The following UBXN7 variants were observed in gnomAD, a reference collection of about 807,000 sequenced individuals.
The protein encoded by UBXN7 is UBX domain-containing protein 7.
Under a neutral mutation model 58.0 loss-of-function variants are expected in UBXN7, and 9 were observed. That is an observed-to-expected ratio of 0.16 (90% confidence interval 0.09 to 0.27). UBXN7 has a LOEUF of 0.27. Among genes scored for constraint, UBXN7 ranks in the 10% least tolerant of loss-of-function variants. The pLI, the probability that UBXN7 is intolerant of heterozygous loss-of-function variation, is 1.00. For missense variants in UBXN7, 328 were observed against 599.6 expected (o/e 0.55, Z 4.73); for synonymous variants, 208 against 205.0 (o/e 1.01, Z -0.12).
rs1019889777 is a variant in UBXN7, at chr3:196,350,218, T to C, written c.*6467A>G. 2 of 152,220 alleles carry C rather than the reference T, an allele frequency of 1.3e-5. No homozygotes were observed. Among genetic ancestry groups the C allele is most frequent in the Non-Finnish European group, 2.9e-5 (2 of 68,038 alleles). The allele number at this position is 152,220 out of a possible 1,614,324, so 9.4% of individuals were successfully genotyped here. A position where few individuals can be genotyped will look rare whatever the true frequency, so the allele number is the denominator to read the frequency against. ...TCAAATTGGATTGCCCAACTTTATT[T>C]TGAAATCAATAGCAAAGAAAGGCCT... On this transcript the variant is annotated 3_prime_UTR_variant, in exon 11 of 11. Coordinates refer to ENST00000296328, the MANE Select transcript of UBXN7 (RefSeq NM_015562.2).
intron 5 of UBXN7, among the ~76,000 whole-genome samples, chr3:196,382,838 G>A (rs562197383): frequency 3.9e-5 from 6 of 152,078 alleles, no homozygotes; most frequent in Admixed American, 6.6e-5. Context: ...GGGGTTGGCC[G>A]GGCACAATGG....
intron 3 of UBXN7, among the ~76,000 whole-genome samples, chr3:196,394,479 T>C (rs559059617): frequency 1.3e-4 from 19 of 151,520 alleles, no homozygotes; most frequent in Non-Finnish European, 2.6e-4. Flanking sequence ...GGCACGCACC[T>C]GTAATCCTAG....
At chr3:196,432,275 C>A in intron 1 of UBXN7, 52 bp downstream of exon 1, 1 of 1,605,086 alleles carries the variant, frequency 6.2e-7, no homozygotes, top group Non-Finnish European at 8.5e-7. Context: ...GGGGCAGACC[C>A]GCTGCCCGCT....
intron 1 of UBXN7, among the ~76,000 whole-genome samples, chr3:196,426,685 C>T (rs1730860746): frequency 6.6e-6 from 1 of 151,706 alleles, no homozygotes; most frequent in Non-Finnish European, 1.5e-5. Context: ...CCCGTCTCTA[C>T]TAAAAATACA....
intron 1 of UBXN7, among the ~76,000 whole-genome samples, chr3:196,424,909 T>C (rs1241342869): frequency 1.6e-4 from 24 of 151,164 alleles, no homozygotes; most frequent in African/African-American, 4.6e-4. Context: ...ACCATGTTGG[T>C]CAGGCTGGTC....
At chr3:196,372,507 G>A (rs1182536656) in intron 5 of UBXN7, among the ~76,000 whole-genome samples, 2 of 151,690 alleles carry the variant, frequency 1.3e-5, no homozygotes, top group African/African-American at 4.8e-5. Context: ...ACGCCTGGCT[G>A]ATTTTTGTAT....
At chr3:196,363,050 G>A (rs1025726995) in intron 8 of UBXN7, among the ~76,000 whole-genome samples, 10 of 151,680 alleles carry the variant, frequency 6.6e-5, no homozygotes, top group Admixed American at 1.3e-4. Flanking sequence ...GATTACAAGC[G>A]CCCGCCACCA....
intron 8 of UBXN7, among the ~76,000 whole-genome samples, chr3:196,364,262 G>A (rs1240233453): frequency 6.6e-6 from 1 of 152,124 alleles, no homozygotes; most frequent in African/African-American, 2.4e-5. Flanking sequence ...ACATACTATA[G>A]AGGAAAGAAA....
At chr3:196,372,660 T>G (rs1216982585) in intron 5 of UBXN7, among the ~76,000 whole-genome samples, 1 of 152,060 alleles carries the variant, frequency 6.6e-6, no homozygotes, top group Non-Finnish European at 1.5e-5. Context: ...ATTTTTAATG[T>G]ATGTTTAAAC....
At chr3:196,431,794 G>C (rs1245605644) in intron 1 of UBXN7, 1 of 433,966 alleles carries the variant, frequency 2.3e-6, no homozygotes, top group Non-Finnish European at 4.6e-6. Context: ...CGGCCTTGCC[G>C]TGAAGGCGGG....
intron 1 of UBXN7, among the ~76,000 whole-genome samples, chr3:196,412,146 G>A (rs919578355): frequency 6.9e-6 from 1 of 145,326 alleles, no homozygotes; most frequent in African/African-American, 2.5e-5. Context: ...CAGGAAAATT[G>A]CTTGAATCCA....
rs1310425298 is a variant in UBXN7, at chr3:196,348,888, T to C, written c.*7797A>G. The stretch of plus-strand genomic sequence containing the variant: ...ACTGCTGAGAGTTTCCAGGGAACAA[T>C]CAATACCTACTCGAAAAAGGACTTT... On this transcript the variant is annotated 3_prime_UTR_variant, in exon 11 of 11. Transcript: ENST00000296328. The C allele has an allele frequency of 6.6e-6, 1 of 151,720 alleles. No homozygotes were observed. Among genetic ancestry groups the C allele is most frequent in the East Asian group, 1.9e-4 (1 of 5,182 alleles). 9.4% of individuals were successfully genotyped at this position (151,720 alleles called of 1,614,324 possible). A position where few individuals can be genotyped will look rare whatever the true frequency, so the allele number is the denominator to read the frequency against.
At chr3:196,392,574 G>A (rs1218554213) in intron 4 of UBXN7, among the ~76,000 whole-genome samples, 2 of 149,980 alleles carry the variant, frequency 1.3e-5, no homozygotes, top group African/African-American at 4.9e-5. Context: ...AGGCTGAGAT[G>A]TGCGGATCAC....
chr3:196,364,498 T>C lies in UBXN7; in HGVS notation c.835-1811A>G, dbSNP rs1728601146. Among the ~76,000 whole-genome samples the C allele has an allele frequency of 2.0e-5, 3 of 152,036 alleles. No individual in the cohort carries two copies. The South Asian group carries it at 6.2e-4, about 32-fold the overall frequency. ...GATACAGAGGAAAGAAGACTGGCCA[T>C]CTGCTGATAATTACCGAAATTAGCT... On this transcript the variant is annotated intron_variant, in intron 8 of 10. Transcript: ENST00000296328.
At chr3:196,381,825 G>A (rs193000220) in intron 5 of UBXN7, among the ~76,000 whole-genome samples, 75 of 152,348 alleles carry the variant, frequency 4.9e-4, no homozygotes, top group Non-Finnish European at 5.9e-4. Context: ...ACCACAGCAC[G>A]AGAACTTCGT....
Position 196,351,137 on chromosome 3 carries a change from A to G in UBXN7, c.*5548T>C, listed in dbSNP as rs1728198794. ...TAATAAAGATACATTCTGTGGAATAAAAAACATTTTTAAGTCAGCCTAATT... is the reference window on the plus strand; with the variant it reads ...TAATAAAGATACATTCTGTGGAATAGAAAACATTTTTAAGTCAGCCTAATT... On this transcript the variant is annotated 3_prime_UTR_variant, in exon 11 of 11. Transcript: ENST00000296328. The G allele has an allele frequency of 6.6e-6, 1 of 152,268 alleles. No homozygotes were observed. Among genetic ancestry groups the G allele is most frequent in the Non-Finnish European group, 1.5e-5 (1 of 68,048 alleles). The allele number at this position is 152,268 out of a possible 1,614,324, so 9.4% of individuals were successfully genotyped here.
intron 5 of UBXN7, among the ~76,000 whole-genome samples, chr3:196,376,593 T>C (rs1729035087): frequency 6.7e-6 from 1 of 148,632 alleles, no homozygotes. Context: ...AAGGAAAAAT[T>C]AGTTACTAAC....
Position 196,356,430 on chromosome 3 carries a change from G to A in UBXN7, c.*255C>T. Reference sequence around the variant, plus strand: ...ACACTTCAGTTTGGTCACCAGATTAGGTAAGAAAGAAAAGTGTGGGGGGAG... The same window carrying A: ...ACACTTCAGTTTGGTCACCAGATTAAGTAAGAAAGAAAAGTGTGGGGGGAG... On this transcript the variant is annotated 3_prime_UTR_variant, in exon 11 of 11. Coordinates refer to ENST00000296328, the MANE Select transcript of UBXN7 (RefSeq NM_015562.2). 1 of 366,756 alleles carries A rather than the reference G, an allele frequency of 2.7e-6. No individual in the cohort carries two copies. Among genetic ancestry groups the A allele is most frequent in the Non-Finnish European group, 4.9e-6 (1 of 204,252 alleles). 22.7% of individuals were successfully genotyped at this position (366,756 alleles called of 1,614,324 possible).
At chr3:196,360,922 G>C (rs1474115680) in intron 10 of UBXN7, among the ~76,000 whole-genome samples, 2 of 152,152 alleles carry the variant, frequency 1.3e-5, no homozygotes, top group Non-Finnish European at 2.9e-5. Context: ...AGGATCACTT[G>C]AGCCGGGGCG....
Sources: gnomAD v4.1 joint callset for allele counts (sites outside exome capture counted in the v4.1 genomes callset) on GRCh38, gnomAD v4.1.1 for gene constraint, MANE v1.5 for transcripts, NCBI Gene and HGNC (gene_info 2026-07-23, HGNC 2026-07-21) for gene names.